Variants in ATXN7L1 observed in about 807,000 individuals in gnomAD.
The protein encoded by ATXN7L1 is ataxin 7 like 1.
In ATXN7L1, 15 loss-of-function variants were observed where a neutral mutation model predicts 70.8. That is an observed-to-expected ratio of 0.21 (90% CI 0.14 to 0.33). The LOEUF is 0.33. Among genes scored for constraint, ATXN7L1 ranks in the 10% least tolerant of loss-of-function variants. The pLI, the probability that ATXN7L1 is intolerant of heterozygous loss-of-function variation, is 1.00. For missense variants in ATXN7L1, 975 were observed against 1,097.1 expected (o/e 0.89, Z 1.57); for synonymous variants, 440 against 445.1 (o/e 0.99, Z 0.14).
At position 105,624,520 on chromosome 7, in the gene ATXN7L1, C is replaced by A. The variant is rs539732781; in HGVS notation, c.1203-253G>T. Reference sequence around the variant, plus strand: ...AAAAAATTAGCTGGGCATGGTGGCGCGTGCCTGTAGTCCCAGCTACTCAGG... The same window carrying A: ...AAAAAATTAGCTGGGCATGGTGGCGAGTGCCTGTAGTCCCAGCTACTCAGG... On this transcript the variant is annotated intron_variant, in intron 7 of 11. Coordinates refer to ENST00000419735, the MANE Select transcript of ATXN7L1 (RefSeq NM_020725.2). 6.6e-5 allele frequency among the ~76,000 whole-genome samples: 10 copies of A among 152,014 alleles called. No homozygotes were observed. In the South Asian group the frequency reaches 2.1e-3, roughly 32 times the overall value.
chr7:105,737,909 C>T (rs1797586691), intron 3 of ATXN7L1, among the ~76,000 whole-genome samples: 1 of 152,072 alleles, frequency 6.6e-6, no homozygotes, highest in Admixed American at 6.6e-5. Context: ...GTTCCAATGT[C>T]TAGATGGAGG....
intron 3 of ATXN7L1, among the ~76,000 whole-genome samples, chr7:105,727,727 G>GGTGTGT (rs1269687539): frequency 7.9e-5 from 6 of 75,654 alleles, no homozygotes; most frequent in Non-Finnish European, 4.7e-5. Flanking sequence ...TTTCCATAGG[G>GGTGTGT]GTGTGTGTGT....
intron 3 of ATXN7L1, among the ~76,000 whole-genome samples, chr7:105,771,201 G>GATGATAATAATAATA (rs1554457177): frequency 7.2e-6 from 1 of 139,250 alleles, no homozygotes; most frequent in Non-Finnish European, 1.5e-5. Flanking sequence ...CTCCGTCTCT[G>GATGATAATAATAATA]ATAATAATAA....
chr7:105,623,417 G>C (rs1434260231), intron 8 of ATXN7L1, among the ~76,000 whole-genome samples: 2 of 152,212 alleles, frequency 1.3e-5, no homozygotes, highest in Non-Finnish European at 2.9e-5. Context: ...GATGCCTCCT[G>C]TGAGGTGGGA....
Position 105,614,052 on chromosome 7 carries a change from G to A in ATXN7L1, c.2282C>T (p.Ser761Leu), listed in dbSNP as rs1360025926. ...ALHAGDLSLA[S>L]HNAVSSLPLS... ...GGGCAGAGAAGACACAGCATTGTGT[G>A]AGGCCAGAGAGAGGTCCCCTGCGTG... Residue 761 changes from serine to leucine, a missense_variant, in exon 10 of 12, where the codon TCA (serine) becomes TTA (leucine). Transcript: ENST00000419735. This position sits in a 1 kb window ranked among gnomAD's most constrained non-coding sequence, Gnocchi z 4.3. 1.3e-6 allele frequency: 2 copies of A among 1,551,896 alleles called. No homozygotes were observed. Among genetic ancestry groups the A allele is most frequent in the Non-Finnish European group, 8.7e-7 (1 of 1,147,034 alleles).
intron 3 of ATXN7L1, among the ~76,000 whole-genome samples, chr7:105,754,683 T>C (rs1277396143): frequency 6.6e-6 from 1 of 152,152 alleles, no homozygotes; most frequent in African/African-American, 2.4e-5. Context: ...TGGTCTTGAA[T>C]TCCTGGCTTC....
intron 3 of ATXN7L1, among the ~76,000 whole-genome samples, chr7:105,681,222 C>T (rs956063808): frequency 2.6e-5 from 4 of 152,024 alleles, no homozygotes; most frequent in Non-Finnish European, 5.9e-5. Context: ...GTCAGGAGTT[C>T]GAGACCAGCC....
At chr7:105,858,476 T>C (rs181618393) in intron 2 of ATXN7L1, among the ~76,000 whole-genome samples, 1 of 152,220 alleles carries the variant, frequency 6.6e-6, no homozygotes, top group East Asian at 1.9e-4. Context: ...CAGGCAAGGG[T>C]CATCAATGAA....
chr7:105,837,471 C>T (rs1812558839), intron 2 of ATXN7L1, among the ~76,000 whole-genome samples: 1 of 149,566 alleles, frequency 6.7e-6, no homozygotes, highest in African/African-American at 2.5e-5. Context: ...AAAAAGTGGG[C>T]ATCTTAGAAT....
chr7:105,733,877 T>A (rs1467091769), intron 3 of ATXN7L1, among the ~76,000 whole-genome samples: 7 of 130,234 alleles, frequency 5.4e-5, no homozygotes, highest in African/African-American at 1.8e-4. Context: ...CATCCATCCA[T>A]CCATCATCCA....
chr7:105,698,832 T>A (rs1054941052), intron 3 of ATXN7L1, among the ~76,000 whole-genome samples: 3 of 152,248 alleles, frequency 2.0e-5, no homozygotes, highest in Non-Finnish European at 4.4e-5. Flanking sequence ...TATCTTTGCA[T>A]GCTAGCCAGA....
chr7:105,675,519 G>A lies in ATXN7L1; in HGVS notation c.356-10231C>T, dbSNP rs139985603. Among the ~76,000 whole-genome samples, 1,319 of 152,186 alleles carry A rather than the reference G, an allele frequency of 8.7e-3. 28 individuals carry two copies. The highest frequency in any genetic ancestry group is 0.03 in the African/African-American group (1,262 of 41,526). ...GCATGCCTGTAATCCCCGCTACTCG[G>A]GAGGTTGAGGTGGGAGGATTGCTTG... On this transcript the variant is annotated intron_variant, in intron 3 of 11. Coordinates refer to ENST00000419735, the MANE Select transcript of ATXN7L1 (RefSeq NM_020725.2).
intron 3 of ATXN7L1, among the ~76,000 whole-genome samples, chr7:105,774,920 A>G (rs1802518318): frequency 6.6e-6 from 1 of 152,202 alleles, no homozygotes; most frequent in African/African-American, 2.4e-5. Flanking sequence ...CAAAGTATCT[A>G]TGACGCTAAT....
intron 3 of ATXN7L1, among the ~76,000 whole-genome samples, chr7:105,762,917 A>T (rs1402914152): frequency 6.6e-6 from 1 of 152,164 alleles, no homozygotes; most frequent in Admixed American, 6.5e-5. Flanking sequence ...GGGAGGCCTA[A>T]GGTACTGAGC....
rs11765824 is a variant in ATXN7L1, at chr7:105,858,087, G to T, written c.250+17725C>A. On this transcript the variant is annotated intron_variant, in intron 2 of 11. Coordinates refer to ENST00000419735, the MANE Select transcript of ATXN7L1 (RefSeq NM_020725.2). ...TCTCTACAAAAAATAAAAAGTTGGT[G>T]TGGTGTGGTAGTATGTGCCTGTAGC... Among the ~76,000 whole-genome samples the T allele has an allele frequency of 5.0e-3, 765 of 152,160 alleles. 4 individuals carry two copies. Among genetic ancestry groups the T allele is most frequent in the Non-Finnish European group, 9.2e-3 (627 of 67,986 alleles).
intron 3 of ATXN7L1, among the ~76,000 whole-genome samples, chr7:105,702,129 C>T (rs1792536115): frequency 6.6e-6 from 1 of 152,160 alleles, no homozygotes; most frequent in South Asian, 2.1e-4. Flanking sequence ...TGGGAATGAT[C>T]CCTAACTCTT....
At chr7:105,832,196 G>C (rs1371327807) in intron 2 of ATXN7L1, among the ~76,000 whole-genome samples, 1 of 152,090 alleles carries the variant, frequency 6.6e-6, no homozygotes, top group East Asian at 1.9e-4. Context: ...CCAGTTACTT[G>C]ACATTATAGA....
intron 4 of ATXN7L1, among the ~76,000 whole-genome samples, chr7:105,650,700 A>T (rs866741947): frequency 6.6e-6 from 1 of 152,232 alleles, no homozygotes; most frequent in African/African-American, 2.4e-5. Context: ...AGTGACTTGG[A>T]TGATGGGCCA....
chr7:105,845,282 A>G (rs1217722039), intron 2 of ATXN7L1, among the ~76,000 whole-genome samples: 4 of 151,100 alleles, frequency 2.6e-5, no homozygotes, highest in Non-Finnish European at 5.9e-5. Flanking sequence ...CAGTAAAATT[A>G]GGAAGACAAT....
Sources: gnomAD v4.1 joint callset for allele counts (sites outside exome capture counted in the v4.1 genomes callset) on GRCh38, gnomAD v4.1.1 for gene constraint, Gnocchi (gnomAD v3.1) non-coding constraint, MANE v1.5 for transcripts, NCBI Gene and HGNC (gene_info 2026-07-23, HGNC 2026-07-21) for gene names.